The following ACTA2 variants were observed in gnomAD, a reference collection of about 807,000 sequenced individuals.
ACTA2 encodes actin alpha 2, smooth muscle, also known as actin, aortic smooth muscle.
ACTA2 carries 12 observed loss-of-function variants against 39.5 expected under a neutral mutation model. That is an observed-to-expected ratio of 0.30 (90% CI 0.19 to 0.49). The LOEUF (loss-of-function observed/expected upper bound fraction) is 0.49. Among genes scored for constraint, ACTA2 ranks in the 20% least tolerant of loss-of-function variants. The pLI, the probability that ACTA2 is intolerant of heterozygous loss-of-function variation, is 0.99. For synonymous variants in ACTA2, 158 were observed against 180.6 expected, an observed-to-expected ratio of 0.88 and a Z score of 1.00; for missense variants, 236 against 498.8, an observed-to-expected ratio of 0.47 and a Z score of 5.02.
chr10:88,979,039 A>C (rs1328833731), intron 1 of ACTA2, among the ~76,000 whole-genome samples: 1 of 152,098 alleles, frequency 6.6e-6, no homozygotes, highest in Non-Finnish European at 1.5e-5. Flanking sequence ...TATTTGTTTT[A>C]TAAATCAGAA....
intron 1 of ACTA2, among the ~76,000 whole-genome samples, chr10:88,959,053 A>G (rs1846185931): frequency 6.6e-6 from 1 of 152,204 alleles, no homozygotes; most frequent in Admixed American, 6.5e-5. Context: ...GCGTTGTCCA[A>G]CAGAACTTAT....
intron 1 of ACTA2, among the ~76,000 whole-genome samples, chr10:88,983,197 T>C (rs1224064721): frequency 3.3e-5 from 5 of 152,228 alleles, no homozygotes; most frequent in Admixed American, 6.5e-5. Context: ...ATGTGAGCTA[T>C]GATTCTTAGA....
Position 88,976,931 on chromosome 10 carries a change from T to C in ACTA2, c.-24+14008A>G, listed in dbSNP as rs114940098. Among the ~76,000 whole-genome samples the C allele has an allele frequency of 8.8e-3, 1,334 of 152,328 alleles. 17 individuals carry two copies. Among genetic ancestry groups the C allele is most frequent in the African/African-American group, 0.03 (1,255 of 41,572 alleles). The stretch of plus-strand genomic sequence containing the variant: ...GAAGTTGCATTGTGCTTGAGATCCT[T>C]ATATCTGGTGAAGGTAATTTTTGCC... On this transcript the variant is annotated intron_variant, in intron 1 of 4. Transcript: ENST00000415557.
chr10:88,968,205 G>A (rs182486099), intron 1 of ACTA2, among the ~76,000 whole-genome samples: 17 of 152,232 alleles, frequency 1.1e-4, no homozygotes, highest in Non-Finnish European at 1.5e-4. Flanking sequence ...GAAATGTTAC[G>A]TATAGACATC....
chr10:88,976,532 G>C (rs1461154012), intron 1 of ACTA2, among the ~76,000 whole-genome samples: 3 of 152,056 alleles, frequency 2.0e-5, no homozygotes, highest in African/African-American at 4.8e-5. Flanking sequence ...CAAGTGTTTT[G>C]ACCCTAAAAT....
chr10:88,967,467 A>G (rs1329051515), intron 1 of ACTA2, among the ~76,000 whole-genome samples: 1 of 152,176 alleles, frequency 6.6e-6, no homozygotes, highest in East Asian at 1.9e-4. Context: ...AGATGCGAGA[A>G]TACAGTGGAA....
At chr10:88,953,825 C>T (rs575208467), upstream of ACTA2, among the ~76,000 whole-genome samples, 8 of 152,258 alleles carry the variant, frequency 5.3e-5, no homozygotes, top group South Asian at 8.3e-4. Context: ...TGCTCTCTCT[C>T]GCCTGCTGCC....
At chr10:88,938,454 T>A (rs1381944949) in intron 7 of ACTA2, 4 of 584,804 alleles carry the variant, frequency 6.8e-6, no homozygotes, top group African/African-American at 1.9e-5. Context: ...TGCTGCAGCA[T>A]CCTGAGGTGT....
chr10:88,991,277 G>A (rs1847189854), exon 1 of ACTA2: 3 of 430,396 alleles, frequency 7.0e-6, no homozygotes, highest in Non-Finnish European at 8.7e-6. Flanking sequence ...CGCTGGAGGG[G>A]GACCCCGGTT....
chr10:88,952,940 C>T (rs1452993076), upstream of ACTA2, among the ~76,000 whole-genome samples: 1 of 152,274 alleles, frequency 6.6e-6, no homozygotes, highest in Non-Finnish European at 1.5e-5. Flanking sequence ...AGGCCTGGGT[C>T]TCTTCCACTG....
intron 1 of ACTA2, among the ~76,000 whole-genome samples, chr10:88,984,856 G>T (rs561917888): frequency 6.6e-6 from 1 of 152,334 alleles, no homozygotes; most frequent in East Asian, 1.9e-4. Flanking sequence ...CTGATCTGAT[G>T]ATTCCTTTTC....
intron 1 of ACTA2, among the ~76,000 whole-genome samples, chr10:88,980,717 G>A (rs915977861): frequency 3.9e-5 from 6 of 152,294 alleles, no homozygotes; most frequent in East Asian, 3.9e-4. Context: ...TCTGGAGCAA[G>A]TTGCATTCTG....
intron 3 of ACTA2, 104 bp downstream of exon 3, chr10:88,947,154 G>A: frequency 2.0e-6 from 3 of 1,483,066 alleles, no homozygotes; most frequent in Non-Finnish European, 2.8e-6. Context: ...GTACAGTTGA[G>A]CAATGTGAGC....
intron 4 of ACTA2, 131 bp from the exon 5 acceptor site, chr10:88,942,000 G>T: frequency 1.3e-6 from 1 of 769,288 alleles, no homozygotes; most frequent in Non-Finnish European, 2.3e-6. Flanking sequence ...AAGTAAGGAG[G>T]TTCAGAACAG....
chr10:88,938,333 G>A, intron 7 of ACTA2, 91 bp from the exon 8 acceptor site: 1 of 1,391,214 alleles, frequency 7.2e-7, no homozygotes, highest in Non-Finnish European at 1.0e-6. Flanking sequence ...GGATGATCTT[G>A]CAGTGGACTG....
intron 4 of ACTA2, among the ~76,000 whole-genome samples, chr10:88,942,809 G>A (rs1175363413): frequency 2.0e-5 from 3 of 151,640 alleles, no homozygotes; most frequent in South Asian, 4.1e-4. Context: ...CATCTCTTGC[G>A]ACGTGCAGTG....
intron 3 of ACTA2, chr10:88,947,010 C>G: frequency 7.9e-6 from 3 of 379,102 alleles, no homozygotes; most frequent in Non-Finnish European, 1.4e-5. Context: ...TTTGTCCTTG[C>G]GACAGTTTGC....
At chr10:88,952,053 C>G (rs1846059625) in intron 1 of ACTA2, among the ~76,000 whole-genome samples, 2 of 152,222 alleles carry the variant, frequency 1.3e-5, no homozygotes, top group African/African-American at 4.8e-5. Flanking sequence ...TGCTCCCTCC[C>G]TCTTTCTTTC....
At chr10:88,976,171 A>G (rs919457687) in intron 1 of ACTA2, among the ~76,000 whole-genome samples, 14 of 152,188 alleles carry the variant, frequency 9.2e-5, no homozygotes, top group Admixed American at 3.3e-4. Flanking sequence ...GGCCACACAT[A>G]AAATACACTA....
Sources: allele counts gnomAD v4.1 joint callset (sites outside exome capture counted in the v4.1 genomes callset), GRCh38; gene constraint gnomAD v4.1.1; transcripts MANE v1.5; gene names NCBI Gene and HGNC (gene_info 2026-07-23, HGNC 2026-07-21).